Variants in RIC3 observed in about 807,000 individuals in gnomAD.
The protein encoded by RIC3 is RIC3 acetylcholine receptor chaperone, also known as protein RIC-3.
RIC3 carries 28 observed loss-of-function variants against 27.3 expected under a neutral mutation model. The observed-to-expected ratio is 1.02, with a 90% confidence interval of 0.76 to 1.41. The LOEUF is 1.41. Among genes scored for constraint, RIC3 ranks in the 40% most tolerant of loss-of-function variants. The pLI is 0.00. For missense variants in RIC3, 501 were observed against 444.7 expected (o/e 1.13, Z -1.14); for synonymous variants, 184 against 160.4 (o/e 1.15, Z -1.11).
intron 5 of RIC3, among the ~76,000 whole-genome samples, chr11:8,114,870 C>T (rs552574872): frequency 1.7e-4 from 26 of 151,910 alleles, no homozygotes; most frequent in African/African-American, 6.3e-4. Context: ...AACAGCAGAA[C>T]TGATTGAGCA....
At chr11:8,112,449 A>T (rs1337517576) in intron 5 of RIC3, among the ~76,000 whole-genome samples, 2 of 152,056 alleles carry the variant, frequency 1.3e-5, no homozygotes, top group Non-Finnish European at 2.9e-5. Flanking sequence ...GCATGCCACC[A>T]CACCTAGCTA....
chr11:8,137,628 A>T (rs1565046411), intron 3 of RIC3, among the ~76,000 whole-genome samples, 157 bp from the exon 4 acceptor site: 2 of 152,236 alleles, frequency 1.3e-5, no homozygotes, highest in Non-Finnish European at 2.9e-5. Context: ...GTGAATATTT[A>T]AGATTTCCAA....
chr11:8,138,648 T>C, intron 2 of RIC3: 2 of 359,928 alleles, frequency 5.6e-6, no homozygotes, highest in South Asian at 4.6e-5. Flanking sequence ...CAAGAACCTG[T>C]GCTAACATGC....
chr11:8,101,821 G>A (rs931283006), downstream of RIC3: 61 of 844,324 alleles, frequency 7.2e-5, no homozygotes, highest in South Asian at 5.6e-5. Context: ...AGAGCGGGTG[G>A]GTGGGTGTGA....
At chr11:8,147,367 A>T (rs771141526) in intron 1 of RIC3, among the ~76,000 whole-genome samples, 3 of 151,920 alleles carry the variant, frequency 2.0e-5, no homozygotes, top group Non-Finnish European at 4.4e-5. Flanking sequence ...ATTAACTGAG[A>T]TCTGTCTCAA....
downstream of RIC3, chr11:8,103,731 G>A (rs986592507): frequency 6.6e-6 from 1 of 152,638 alleles, no homozygotes; most frequent in Non-Finnish European, 1.5e-5. Context: ...GATCTTCATG[G>A]TGACATTTGA....
intron 5 of RIC3, among the ~76,000 whole-genome samples, chr11:8,112,510 G>T (rs1945393138): frequency 1.3e-5 from 2 of 152,022 alleles, no homozygotes; most frequent in Non-Finnish European, 2.9e-5. Context: ...GGCCAGGCTG[G>T]TCTCAAACTC....
At chr11:8,105,686 C>T (rs1944544643), downstream of RIC3, 1 of 148,486 alleles carries the variant, frequency 6.7e-6, no homozygotes, top group Non-Finnish European at 1.5e-5. Context: ...TCCTTGCTTT[C>T]ATCACTACCT....
At chr11:8,148,733 A>T (rs764471751) in intron 1 of RIC3, among the ~76,000 whole-genome samples, 4 of 152,180 alleles carry the variant, frequency 2.6e-5, no homozygotes, top group Non-Finnish European at 4.4e-5. Flanking sequence ...AATAGAAACA[A>T]TAGTTCCCAC....
At chr11:8,162,125 C>T (rs145189942) in intron 1 of RIC3, among the ~76,000 whole-genome samples, 9 of 150,470 alleles carry the variant, frequency 6.0e-5, no homozygotes, top group Admixed American at 5.1e-4. Context: ...GCAGCCAGAG[C>T]ACAGAACCAA....
At chr11:8,100,947 G>C in the RIC3 span, 1 of 1,614,164 alleles carries the variant, frequency 6.2e-7, no homozygotes, top group Non-Finnish European at 8.5e-7. Flanking sequence ...TTCCATGGGC[G>C]CGTCACACAG....
At chr11:8,131,250 G>C (rs966218907) in intron 4 of RIC3, among the ~76,000 whole-genome samples, 1 of 152,160 alleles carries the variant, frequency 6.6e-6, no homozygotes, top group African/African-American at 2.4e-5. Flanking sequence ...GTCTTTTGCA[G>C]CAAGACAGAC....
intron 1 of RIC3, among the ~76,000 whole-genome samples, chr11:8,155,433 G>A (rs756915364): frequency 6.6e-5 from 10 of 151,906 alleles, no homozygotes; most frequent in Non-Finnish European, 1.5e-4. Flanking sequence ...AAAATTAGCT[G>A]GGCATGGTGG....
chr11:8,168,981 G>C lies in RIC3; in HGVS notation c.9C>G (p.Tyr3Ter), dbSNP rs375978883. 1.3e-6 allele frequency: 2 copies of C among 1,597,010 alleles called. No individual in the cohort carries two copies. Among genetic ancestry groups the C allele is most frequent in the African/African-American group, 2.7e-5 (2 of 73,260 alleles). Residue 3 changes from tyrosine (Y) to a stop codon, truncating the protein, a stop_gained, in exon 1 of 6, where the codon TAC becomes TAG. Coordinates refer to ENST00000309737, the MANE Select transcript of RIC3 (RefSeq NM_001206671.4). LOFTEE classifies it high-confidence loss of function. Reference sequence around the variant, plus strand: ...CCAGAGCGACTCTCTGCACTGTGGAGTACGCCATGACTGCTCACGGTGGTC... The same window carrying C: ...CCAGAGCGACTCTCTGCACTGTGGACTACGCCATGACTGCTCACGGTGGTC... MA[Y>*]STVQRVALAS... is the part of the protein sequence containing the mutation.
intron 4 of RIC3, among the ~76,000 whole-genome samples, chr11:8,133,188 C>T (rs554488411): frequency 3.9e-5 from 6 of 152,252 alleles, no homozygotes; most frequent in South Asian, 4.2e-4. Context: ...CTTGCCCTTC[C>T]GCCTTTCCAC....
chr11:8,165,194 C>T (rs1951569082), intron 1 of RIC3, among the ~76,000 whole-genome samples: 1 of 152,148 alleles, frequency 6.6e-6, no homozygotes, highest in Admixed American at 6.5e-5. Flanking sequence ...AATGTATACA[C>T]TCAAGAGAAA....
chr11:8,101,080 T>C (rs1944277851), downstream of RIC3: 1 of 1,484,456 alleles, frequency 6.7e-7, no homozygotes, highest in African/African-American at 1.4e-5. Context: ...TAGCCCTGCC[T>C]ACACTGGCTA....
chr11:8,102,975 T>G (rs550832752), downstream of RIC3: 3 of 152,142 alleles, frequency 2.0e-5, no homozygotes, highest in African/African-American at 7.2e-5. Flanking sequence ...AGCATCAGAG[T>G]TGATAAATTA....
At chr11:8,100,666 G>T in the RIC3 span, 1 of 1,564,190 alleles carries the variant, frequency 6.4e-7, no homozygotes. Context: ...GCTTCTAAGG[G>T]CAGAACTCCA....
Sources: gnomAD v4.1 joint callset for allele counts (sites outside exome capture counted in the v4.1 genomes callset) on GRCh38, gnomAD v4.1.1 for gene constraint, MANE v1.5 for transcripts, NCBI Gene and HGNC (gene_info 2026-07-23, HGNC 2026-07-21) for gene names.